ENTREP2: variants seen among roughly 807,000 people sequenced by gnomAD.
ENTREP2 encodes protein ENTREP2.
the ENTREP2 span, among the ~76,000 whole-genome samples, chr15:29,624,871 T>TTTTG: frequency 7.0e-6 from 1 of 143,624 alleles, no homozygotes; most frequent in Admixed American, 7.1e-5. Context: ...CTGCATTAAT[T>TTTTG]TGTGTGTGTG....
the ENTREP2 span, among the ~76,000 whole-genome samples, chr15:29,629,019 G>A: frequency 6.6e-6 from 1 of 152,054 alleles, no homozygotes; most frequent in Non-Finnish European, 1.5e-5. Context: ...CAGAGTGCTG[G>A]GATTAGATGT....
the ENTREP2 span, among the ~76,000 whole-genome samples, chr15:29,490,809 C>A: frequency 6.6e-6 from 1 of 152,192 alleles, no homozygotes; most frequent in African/African-American, 2.4e-5. Flanking sequence ...AGCTGGCTTC[C>A]GCTAGTGGAT....
the ENTREP2 span, among the ~76,000 whole-genome samples, chr15:29,643,655 A>G: frequency 0.046 from 7,022 of 151,844 alleles, 188 homozygotes; most frequent in South Asian, 0.065. Context: ...GGTGGTGAGC[A>G]CCTGAGTCCC....
chr15:29,138,854 C>A, the ENTREP2 span, among the ~76,000 whole-genome samples: 1 of 151,806 alleles, frequency 6.6e-6, no homozygotes, highest in African/African-American at 2.4e-5. Context: ...CGCATCTGAA[C>A]GGGTCTTGAA....
chr15:29,269,403 C>G, the ENTREP2 span: 1 of 1,614,070 alleles, frequency 6.2e-7, no homozygotes, highest in Admixed American at 1.7e-5. Flanking sequence ...GAATCTTCTT[C>G]TGGTCTTTAA....
chr15:29,353,963 A>T, the ENTREP2 span, among the ~76,000 whole-genome samples: 3 of 152,198 alleles, frequency 2.0e-5, no homozygotes, highest in African/African-American at 7.2e-5. Context: ...AGCCAACTTG[A>T]CAGGGCTAAG....
the ENTREP2 span, among the ~76,000 whole-genome samples, chr15:29,347,431 A>G: frequency 6.6e-6 from 1 of 152,018 alleles, no homozygotes; most frequent in Non-Finnish European, 1.5e-5. Context: ...CAGACTCCCA[A>G]AAAGCTTGGA....
At chr15:29,661,610 G>A in the ENTREP2 span, among the ~76,000 whole-genome samples, 1 of 152,106 alleles carries the variant, frequency 6.6e-6, no homozygotes, top group African/African-American at 2.4e-5. Context: ...CAAAAAAGAG[G>A]TATGTAACAT....
chr15:29,560,858 C>A, the ENTREP2 span, among the ~76,000 whole-genome samples: 1 of 151,044 alleles, frequency 6.6e-6, no homozygotes, highest in Admixed American at 6.6e-5. Flanking sequence ...ATCTTGTAGA[C>A]CAGAGGTCAA....
At chr15:29,566,876 C>CACACACACACACAA in the ENTREP2 span, among the ~76,000 whole-genome samples, 5 of 151,840 alleles carry the variant, frequency 3.3e-5, no homozygotes, top group African/African-American at 1.2e-4. Context: ...CACACACACA[C>CACACACACACACAA]AGAGTCAGCT....
the ENTREP2 span, among the ~76,000 whole-genome samples, chr15:29,388,284 A>C: frequency 1.3e-5 from 2 of 152,224 alleles, no homozygotes; most frequent in African/African-American, 4.8e-5. Flanking sequence ...AAAAAAACAA[A>C]CAACCCTATC....
the ENTREP2 span, among the ~76,000 whole-genome samples, chr15:29,579,275 T>G: frequency 2.0e-3 from 304 of 152,304 alleles, 1 homozygote; most frequent in Middle Eastern, 0.014. Flanking sequence ...GAAATAAGCA[T>G]TAGGATGCAC....
the ENTREP2 span, among the ~76,000 whole-genome samples, chr15:29,653,089 G>A: frequency 1.3e-5 from 2 of 152,146 alleles, no homozygotes. Context: ...AATTGATTTG[G>A]TTGCAAGGGC....
chr15:29,560,707 G>A, the ENTREP2 span, among the ~76,000 whole-genome samples: 1 of 152,036 alleles, frequency 6.6e-6, no homozygotes, highest in Non-Finnish European at 1.5e-5. Context: ...CTCATCTAGG[G>A]AGGTCTGTTT....
chr15:29,592,911 T>G, the ENTREP2 span, among the ~76,000 whole-genome samples: 1 of 152,170 alleles, frequency 6.6e-6, no homozygotes, highest in African/African-American at 2.4e-5. Context: ...GCAGCTCCCC[T>G]TCACCTTACA....
chr15:29,249,624 G>C, the ENTREP2 span, among the ~76,000 whole-genome samples: 1 of 151,916 alleles, frequency 6.6e-6, no homozygotes, highest in Non-Finnish European at 1.5e-5. Context: ...TATATGAAAG[G>C]AGCATACCTT....
the ENTREP2 span, among the ~76,000 whole-genome samples, chr15:29,223,547 A>C: frequency 6.6e-6 from 1 of 152,212 alleles, no homozygotes; most frequent in South Asian, 2.1e-4. Flanking sequence ...GTGTAACTGG[A>C]TATCAGTTTA....
chr15:29,222,841 C>T, the ENTREP2 span, among the ~76,000 whole-genome samples: 1 of 152,156 alleles, frequency 6.6e-6, no homozygotes, highest in Non-Finnish European at 1.5e-5. Flanking sequence ...CTAGAACATA[C>T]CATAAATACA....
the ENTREP2 span, among the ~76,000 whole-genome samples, chr15:29,152,370 G>A: frequency 2.0e-5 from 3 of 152,078 alleles, no homozygotes; most frequent in East Asian, 3.9e-4. Context: ...ATCACCACAC[G>A]GGTCCCCCCA....
Sources: gnomAD v4.1 joint callset for allele counts (sites outside exome capture counted in the v4.1 genomes callset) on GRCh38, gnomAD v4.1.1 for gene constraint, MANE v1.5 for transcripts, NCBI Gene and HGNC (gene_info 2026-07-23, HGNC 2026-07-21) for gene names.